The following ADAMTS3 variants were observed in gnomAD, a reference collection of about 807,000 sequenced individuals.
The protein encoded by ADAMTS3 is A disintegrin and metalloproteinase with thrombospondin motifs 3.
Under a neutral mutation model 129.0 loss-of-function variants are expected in ADAMTS3, and 73 were observed. The ratio of observed to expected loss-of-function variants is 0.57; its 90% CI spans 0.47 to 0.69. The LOEUF is 0.69. Ranked by LOEUF, ADAMTS3 falls within the 30% of genes least tolerant of loss-of-function variation. The probability of loss-of-function intolerance (pLI) is 0.00; values close to 1 mark genes in which losing one functional copy is unlikely to be tolerated. For synonymous variants in ADAMTS3, 477 were observed against 510.8 expected, an observed-to-expected ratio of 0.93 and a Z score of 0.89; for missense variants, 1,457 against 1,514.5, an observed-to-expected ratio of 0.96 and a Z score of 0.63.
At chr4:72,433,570 C>T (rs1722747904) in intron 3 of ADAMTS3, among the ~76,000 whole-genome samples, 2 of 151,824 alleles carry the variant, frequency 1.3e-5, no homozygotes, top group Admixed American at 6.6e-5. Context: ...TTTAATTCTC[C>T]TAAATTTTTT....
chr4:72,527,913 G>A (rs1003404788), intron 3 of ADAMTS3, among the ~76,000 whole-genome samples: 3 of 152,134 alleles, frequency 2.0e-5, no homozygotes, highest in Non-Finnish European at 2.9e-5. Flanking sequence ...TTTATGTTCT[G>A]TGTCTTCATT....
intron 8 of ADAMTS3, 87 bp downstream of exon 8, chr4:72,319,771 G>A: frequency 2.8e-6 from 3 of 1,085,474 alleles, no homozygotes; most frequent in East Asian, 5.0e-5. Flanking sequence ...ATGCTGGCAT[G>A]CATTCTGCCC....
intron 10 of ADAMTS3, 117 bp from the exon 11 acceptor site, chr4:72,316,088 T>A (rs373915123): frequency 2.1e-6 from 1 of 483,032 alleles, no homozygotes; most frequent in Non-Finnish European, 3.6e-6. Context: ...TTCAAGTTAA[T>A]AGCCAATGTT....
At chr4:72,292,628 C>A (rs530591700) in intron 19 of ADAMTS3, among the ~76,000 whole-genome samples, 1 of 152,232 alleles carries the variant, frequency 6.6e-6, no homozygotes, top group African/African-American at 2.4e-5. Flanking sequence ...TTCTCCAGTA[C>A]ACATGGTTAC....
At chr4:72,367,694 C>T (rs1469552019) in intron 4 of ADAMTS3, among the ~76,000 whole-genome samples, 2 of 152,006 alleles carry the variant, frequency 1.3e-5, no homozygotes, top group African/African-American at 2.4e-5. Flanking sequence ...CCTAAAAACA[C>T]AAAAGATTAG....
chr4:72,438,979 T>C (rs1166918644), intron 3 of ADAMTS3, among the ~76,000 whole-genome samples: 1 of 151,768 alleles, frequency 6.6e-6, no homozygotes, highest in African/African-American at 2.4e-5. Context: ...TACATAGGTA[T>C]CTATTTTACT....
chr4:72,379,584 G>A lies in ADAMTS3; in HGVS notation c.661+35231C>T, dbSNP rs546999567. 3.6e-4 allele frequency among the ~76,000 whole-genome samples: 55 copies of A among 152,194 alleles called. 1 individual carries two copies. The highest frequency in any genetic ancestry group is 3.4e-3 in the Middle Eastern group (1 of 294). ...GAGCTATAGTTGACAATTTATGATA[G>A]AGTGAAAAGAACATTTAATTTTTAA... On this transcript the variant is annotated intron_variant, in intron 4 of 21. Coordinates refer to ENST00000286657, the MANE Select transcript of ADAMTS3 (RefSeq NM_014243.3).
intron 3 of ADAMTS3, among the ~76,000 whole-genome samples, chr4:72,471,650 C>A (rs1369661470): frequency 2.0e-5 from 3 of 151,792 alleles, no homozygotes; most frequent in African/African-American, 7.3e-5. Flanking sequence ...TCAAGCCAGG[C>A]AAGAAAAAGG....
rs190471368 is a variant in ADAMTS3, at chr4:72,436,318, G to A, written c.505-21347C>T. Among the ~76,000 whole-genome samples, 59 of 152,072 alleles carry A rather than the reference G, an allele frequency of 3.9e-4. 1 individual carries two copies. The highest frequency in any genetic ancestry group is 1.3e-3 in the African/African-American group (56 of 41,510). ...AAACCATAATGAGATACCATCTCAC[G>A]CCAGTTAGAATGGCAATCATCAAAA... On this transcript the variant is annotated intron_variant, in intron 3 of 21. Transcript: ENST00000286657.
At chr4:72,550,303 G>A (rs1234010241) in intron 2 of ADAMTS3, among the ~76,000 whole-genome samples, 1 of 151,888 alleles carries the variant, frequency 6.6e-6, no homozygotes, top group Non-Finnish European at 1.5e-5. Flanking sequence ...ATCTGTAAAT[G>A]AACCTACGTC....
chr4:72,357,955 C>T (rs956810792), intron 4 of ADAMTS3, among the ~76,000 whole-genome samples: 2 of 151,882 alleles, frequency 1.3e-5, no homozygotes, highest in African/African-American at 2.4e-5. Context: ...ATGTAGCAAT[C>T]TAAATTAATG....
Position 72,339,606 on chromosome 4 carries a change from T to A in ADAMTS3, c.749A>T (p.His250Leu), listed in dbSNP as rs776816745. The change falls in exon 5 of 22, where the codon CAC becomes CTC. Residue 250 changes from histidine (H) to leucine (L), a missense_variant. Coordinates refer to ENST00000286657, the MANE Select transcript of ADAMTS3 (RefSeq NM_014243.3). ...GATATTGTAATCGTTTTCTCCCGCG[T>A]GTCTGCGGCGTCTCATTGTTTCATT... ...QLNETMRRRRHAGENDYNIEV... is the reference protein window; with the variant it reads ...QLNETMRRRRLAGENDYNIEV... The A allele has an allele frequency of 3.7e-6, 6 of 1,613,876 alleles. No homozygotes were observed. The African/African-American group carries it at 6.7e-5, about 18-fold the overall frequency.
intron 3 of ADAMTS3, among the ~76,000 whole-genome samples, chr4:72,484,932 TATAAATATC>T (rs1449505041): frequency 1.3e-5 from 2 of 152,164 alleles, no homozygotes; most frequent in African/African-American, 4.8e-5. Context: ...TTTCCCACAT[TATAAATATC>T]AAAGACCTGA....
chr4:72,411,943 C>G (rs1722193955), intron 4 of ADAMTS3, among the ~76,000 whole-genome samples: 1 of 152,026 alleles, frequency 6.6e-6, no homozygotes, highest in Non-Finnish European at 1.5e-5. Context: ...TAGTTCAGGT[C>G]CTAATAGATT....
intron 3 of ADAMTS3, among the ~76,000 whole-genome samples, chr4:72,457,713 A>G (rs1560523431): frequency 6.6e-6 from 1 of 151,716 alleles, no homozygotes; most frequent in Non-Finnish European, 1.5e-5. Context: ...TAAGGTAGAA[A>G]GATTCCACAG....
chr4:72,486,222 T>C (rs1049413221), intron 3 of ADAMTS3, among the ~76,000 whole-genome samples: 2 of 152,198 alleles, frequency 1.3e-5, no homozygotes, highest in African/African-American at 4.8e-5. Context: ...ATAAATCAAT[T>C]AAACTTGCCC....
In ADAMTS3 at chr4:72,479,032, C is replaced by G. The variant is rs181093725; in HGVS notation, c.505-64061G>C. On this transcript the variant is annotated intron_variant, in intron 3 of 21. Coordinates refer to ENST00000286657, the MANE Select transcript of ADAMTS3 (RefSeq NM_014243.3). Reference sequence around the variant, plus strand: ...AGGAGAACTACAAACCACTGCTCAACGAAATAAAAGAGGATACAAACAAAT... The same window carrying G: ...AGGAGAACTACAAACCACTGCTCAAGGAAATAAAAGAGGATACAAACAAAT... Among the ~76,000 whole-genome samples, 17 of 151,782 alleles carry G rather than the reference C, an allele frequency of 1.1e-4. No homozygotes were observed. The South Asian group carries it at 2.5e-3, about 22-fold the overall frequency.
chr4:72,364,599 G>A (rs1388479596), intron 4 of ADAMTS3, among the ~76,000 whole-genome samples: 10 of 149,068 alleles, frequency 6.7e-5, no homozygotes, highest in African/African-American at 2.2e-4. Context: ...GGGTGATAGA[G>A]CAAGACTCCG....
chr4:72,568,666 T>A (rs1284147755), intron 1 of ADAMTS3, 28 bp downstream of exon 1: 2 of 1,603,520 alleles, frequency 1.2e-6, no homozygotes, highest in Non-Finnish European at 1.7e-6. Context: ...GTTTGAGTTT[T>A]TTTTTATTGT....
Sources: allele counts gnomAD v4.1 joint callset (sites outside exome capture counted in the v4.1 genomes callset), GRCh38; gene constraint gnomAD v4.1.1; transcripts MANE v1.5; gene names NCBI Gene and HGNC (gene_info 2026-07-23, HGNC 2026-07-21).